The following OR9Q1 variants were observed in gnomAD, a reference collection of about 807,000 sequenced individuals.
OR9Q1 encodes the protein olfactory receptor family 9 subfamily Q member 1.
For missense variants in OR9Q1, 374 were observed against 378.8 expected, an observed-to-expected ratio of 0.99 and a Z score of 0.11; for synonymous variants, 153 against 148.6, an observed-to-expected ratio of 1.03 and a Z score of -0.22.
intron 2 of OR9Q1, chr11:58,075,580 C>G (rs1311422703): frequency 6.6e-6 from 1 of 152,238 alleles, no homozygotes; most frequent in Non-Finnish European, 1.5e-5. Context: ...CTTCAGGGAG[C>G]TGCTGGTCTC....
chr11:58,062,019 A>G (rs1443218296), intron 2 of OR9Q1, among the ~76,000 whole-genome samples: 1 of 152,126 alleles, frequency 6.6e-6, no homozygotes, highest in African/African-American at 2.4e-5. Flanking sequence ...AGAAAGGGGA[A>G]CTCACCCAGA....
chr11:58,132,361 CTCT>C (rs1323708105), intron 2 of OR9Q1, among the ~76,000 whole-genome samples: 1 of 152,210 alleles, frequency 6.6e-6, no homozygotes, highest in Non-Finnish European at 1.5e-5. Flanking sequence ...CCAGTCTCAG[CTCT>C]TCTTCTTACT....
chr11:58,084,504 G>GC (rs1853617079), intron 2 of OR9Q1, among the ~76,000 whole-genome samples: 1 of 151,658 alleles, frequency 6.6e-6, no homozygotes. Flanking sequence ...AAAACTTCAG[G>GC]CCAATATCCC....
chr11:58,092,192 G>A (rs1853690867), intron 2 of OR9Q1, among the ~76,000 whole-genome samples: 1 of 152,098 alleles, frequency 6.6e-6, no homozygotes, highest in African/African-American at 2.4e-5. Context: ...TCATCATGAT[G>A]CTAGCTGGTT....
intron 2 of OR9Q1, among the ~76,000 whole-genome samples, chr11:58,089,622 C>T (rs1300649156): frequency 2.0e-5 from 3 of 151,812 alleles, no homozygotes; most frequent in African/African-American, 7.3e-5. Flanking sequence ...TTAGGATTGT[C>T]TTTGCTATGT....
chr11:58,136,759 A>T (rs1854193393), intron 2 of OR9Q1, among the ~76,000 whole-genome samples: 1 of 152,198 alleles, frequency 6.6e-6, no homozygotes. Flanking sequence ...GTTGAAGCTT[A>T]GAAGGATCAC....
At chr11:58,119,441 C>A in intron 2 of OR9Q1, 1 of 1,589,830 alleles carries the variant, frequency 6.3e-7, no homozygotes. Context: ...TTATTCTTGG[C>A]CATGGAGACA....
intron 2 of OR9Q1, among the ~76,000 whole-genome samples, chr11:58,108,554 C>T (rs1853864991): frequency 6.6e-6 from 1 of 152,110 alleles, no homozygotes; most frequent in Non-Finnish European, 1.5e-5. Context: ...CATCATGAAA[C>T]TTGCATTTTC....
chr11:58,042,919 G>A (rs546662288), intron 1 of OR9Q1, among the ~76,000 whole-genome samples: 217 of 152,234 alleles, frequency 1.4e-3, no homozygotes, highest in Non-Finnish European at 2.5e-3. Flanking sequence ...TTGTAAATGG[G>A]AGTTCACTCA....
chr11:58,131,560 T>C (rs1413678022), intron 2 of OR9Q1, among the ~76,000 whole-genome samples: 1 of 151,958 alleles, frequency 6.6e-6, no homozygotes, highest in Non-Finnish European at 1.5e-5. Context: ...ATATAAAAGA[T>C]TTTTTCGTTT....
intron 1 of OR9Q1, among the ~76,000 whole-genome samples, chr11:58,025,908 A>G (rs952252061): frequency 1.3e-5 from 2 of 151,094 alleles, no homozygotes; most frequent in East Asian, 2.0e-4. Flanking sequence ...CCCTCCCTCT[A>G]CTGCACTTGG....
intron 1 of OR9Q1, among the ~76,000 whole-genome samples, chr11:58,027,702 G>C (rs1280948766): frequency 6.6e-6 from 1 of 152,094 alleles, no homozygotes; most frequent in East Asian, 1.9e-4. Flanking sequence ...AAAAATCTCA[G>C]CCCACAGGTG....
At chr11:58,114,491 G>A (rs1295537638) in intron 2 of OR9Q1, among the ~76,000 whole-genome samples, 1 of 152,122 alleles carries the variant, frequency 6.6e-6, no homozygotes, top group Admixed American at 6.6e-5. Flanking sequence ...GGAGAAGCCT[G>A]TTACCTTCAG....
At chr11:58,141,268 G>A (rs1854246100) in intron 2 of OR9Q1, among the ~76,000 whole-genome samples, 1 of 152,136 alleles carries the variant, frequency 6.6e-6, no homozygotes, top group Non-Finnish European at 1.5e-5. Context: ...GAATAGGAGT[G>A]GTGAGAGAGG....
chr11:58,148,769 A>T (rs1044229992), intron 2 of OR9Q1, among the ~76,000 whole-genome samples: 6 of 152,210 alleles, frequency 3.9e-5, no homozygotes, highest in African/African-American at 1.4e-4. Context: ...TTACTTAGAT[A>T]GAGAATGTGG....
At chr11:58,159,676 A>C (rs1485962567) in intron 2 of OR9Q1, among the ~76,000 whole-genome samples, 1 of 152,212 alleles carries the variant, frequency 6.6e-6, no homozygotes, top group Non-Finnish European at 1.5e-5. Flanking sequence ...ACAGACAGAC[A>C]AGTTTGAAAG....
intron 2 of OR9Q1, among the ~76,000 whole-genome samples, chr11:58,094,209 A>G (rs1853710105): frequency 6.6e-6 from 1 of 152,208 alleles, no homozygotes; most frequent in South Asian, 2.1e-4. Context: ...CAAATACTGA[A>G]TGTTCTTACT....
chr11:58,047,202 T>C (rs1388827113), intron 1 of OR9Q1: 1 of 152,234 alleles, frequency 6.6e-6, no homozygotes, highest in Non-Finnish European at 1.5e-5. Flanking sequence ...TGTAAGTCAA[T>C]AATCCACCCC....
intron 2 of OR9Q1, among the ~76,000 whole-genome samples, chr11:58,061,016 A>G (rs1319758410): frequency 3.3e-5 from 5 of 152,070 alleles, no homozygotes. Context: ...TTTCCTCTCC[A>G]ATCAGATTCT....
Sources: gnomAD v4.1 joint callset for allele counts (sites outside exome capture counted in the v4.1 genomes callset) on GRCh38, gnomAD v4.1.1 for gene constraint, MANE v1.5 for transcripts, NCBI Gene and HGNC (gene_info 2026-07-23, HGNC 2026-07-21) for gene names.